TANC1: variants seen among roughly 807,000 people sequenced by gnomAD.
The protein encoded by TANC1 is protein TANC1.
TANC1 carries 77 observed loss-of-function variants against 149.7 expected under a neutral mutation model. The observed-to-expected ratio is 0.51, with a 90% confidence interval of 0.43 to 0.62. TANC1 has a LOEUF of 0.62. Among genes scored for constraint, TANC1 ranks in the 20% least tolerant of loss-of-function variants. TANC1 has a pLI of 0.00. For synonymous variants in TANC1, 854 were observed against 925.0 expected (o/e 0.92, Z 1.39); for missense variants, 1,985 against 2,321.8 (o/e 0.85, Z 2.98).
chr2:159,118,722 C>T (rs983897869), intron 4 of TANC1, among the ~76,000 whole-genome samples: 12 of 152,190 alleles, frequency 7.9e-5, no homozygotes, highest in Non-Finnish European at 1.2e-4. Context: ...GGTGGAGAAA[C>T]GTCTCTAGCA....
chr2:159,197,258 C>G (rs1433423538), intron 18 of TANC1, among the ~76,000 whole-genome samples: 2 of 152,166 alleles, frequency 1.3e-5, no homozygotes, highest in Non-Finnish European at 2.9e-5. Context: ...TTTACAGCTC[C>G]TCCACTGAAT....
At chr2:159,034,794 T>G (rs986201284) in intron 2 of TANC1, among the ~76,000 whole-genome samples, 5 of 152,216 alleles carry the variant, frequency 3.3e-5, no homozygotes, top group African/African-American at 9.6e-5. Flanking sequence ...TTCTTTTATT[T>G]GCTTTAGGAT....
intron 2 of TANC1, among the ~76,000 whole-genome samples, chr2:159,061,344 T>A (rs1041723733): frequency 6.6e-6 from 1 of 152,150 alleles, no homozygotes; most frequent in African/African-American, 2.4e-5. Context: ...CCCTCTGACC[T>A]CCCCTTGCCT....
chr2:159,116,946 C>A (rs1376917383), intron 4 of TANC1, among the ~76,000 whole-genome samples: 1 of 152,174 alleles, frequency 6.6e-6, no homozygotes, highest in Non-Finnish European at 1.5e-5. Context: ...CAGTCTAATT[C>A]CAAAGCCTGG....
In TANC1 at chr2:159,062,649, A is replaced by G. The variant is rs555904769; in HGVS notation, c.-15-3247A>G. Among the ~76,000 whole-genome samples the G allele has an allele frequency of 1.2e-4, 19 of 152,216 alleles. 1 individual carries two copies. Among genetic ancestry groups the G allele is most frequent in the South Asian group, 1.0e-3 (5 of 4,824 alleles). On this transcript the variant is annotated intron_variant, in intron 2 of 26. Transcript: ENST00000263635. ...ATTCTCCATGTCTTAAATGGATGAG[A>G]CTGGGCAAAGTGACTCCCTTTAAGA...
intron 2 of TANC1, among the ~76,000 whole-genome samples, chr2:159,046,044 C>T (rs183828415): frequency 6.6e-6 from 1 of 152,082 alleles, no homozygotes; most frequent in East Asian, 1.9e-4. Context: ...ATTGAAATAG[C>T]AATTTAAGTG....
At chr2:159,065,815 G>A (rs2042606044) in intron 2 of TANC1, 81 bp from the exon 3 acceptor site, 3 of 1,147,856 alleles carry the variant, frequency 2.6e-6, no homozygotes, top group Non-Finnish European at 3.9e-6. Flanking sequence ...TTGAACACAA[G>A]TTACCTCTTT....
chr2:159,223,413 C>T (rs745960827), intron 22 of TANC1, among the ~76,000 whole-genome samples: 4 of 152,122 alleles, frequency 2.6e-5, no homozygotes, highest in Non-Finnish European at 5.9e-5. Context: ...GTCCTTTGCC[C>T]ATTCTAAAGA....
intron 1 of TANC1, among the ~76,000 whole-genome samples, chr2:158,975,833 CTT>C (rs34605981): frequency 0.44 from 61,374 of 139,896 alleles, 13,601 homozygotes; most frequent in South Asian, 0.55. Flanking sequence ...TCTTTCTTAT[CTT>C]TTTTTTTTTT....
At chr2:159,039,702 T>TC (rs2040478326) in intron 2 of TANC1, among the ~76,000 whole-genome samples, 3 of 152,222 alleles carry the variant, frequency 2.0e-5, no homozygotes, top group Non-Finnish European at 4.4e-5. Flanking sequence ...TTGATTGCAC[T>TC]ATGGTCTGAG....
At chr2:159,194,214 TG>T in intron 16 of TANC1, 42 bp from the exon 17 acceptor site, 1 of 1,508,368 alleles carries the variant, frequency 6.6e-7, no homozygotes, top group Non-Finnish European at 9.2e-7. Flanking sequence ...AATGTTTAGA[TG>T]ACATACATGT....
At chr2:159,036,268 G>A (rs941349397) in intron 2 of TANC1, among the ~76,000 whole-genome samples, 4 of 152,152 alleles carry the variant, frequency 2.6e-5, no homozygotes, top group Non-Finnish European at 5.9e-5. Flanking sequence ...TGCCAGTGAG[G>A]TCATCAACCT....
intron 3 of TANC1, among the ~76,000 whole-genome samples, chr2:159,082,406 C>G (rs923522433): frequency 6.6e-6 from 1 of 150,686 alleles, no homozygotes; most frequent in Non-Finnish European, 1.5e-5. Context: ...AGAACAGTGC[C>G]TGAACCACAG....
chr2:159,144,051 A>G (rs1301836099), intron 5 of TANC1, among the ~76,000 whole-genome samples: 1 of 151,762 alleles, frequency 6.6e-6, no homozygotes, highest in Non-Finnish European at 1.5e-5. Context: ...TCTGAGACCA[A>G]AAAGCTTAAG....
chr2:159,043,841 T>C (rs1198974830), intron 2 of TANC1, among the ~76,000 whole-genome samples: 5 of 152,202 alleles, frequency 3.3e-5, no homozygotes, highest in African/African-American at 1.2e-4. Flanking sequence ...TCTTAAAGTT[T>C]AATGACAAGG....
intron 2 of TANC1, among the ~76,000 whole-genome samples, chr2:159,024,172 C>A (rs991193489): frequency 1.3e-5 from 2 of 152,006 alleles, no homozygotes; most frequent in Admixed American, 6.5e-5. Flanking sequence ...TGTATATAGT[C>A]ATGTGCCACA....
chr2:159,081,516 T>A (rs745724944), intron 3 of TANC1, among the ~76,000 whole-genome samples: 5 of 152,016 alleles, frequency 3.3e-5, no homozygotes, highest in Non-Finnish European at 7.4e-5. Flanking sequence ...TCTGTGTGCA[T>A]GTCACCACCA....
intron 3 of TANC1, among the ~76,000 whole-genome samples, chr2:159,093,438 G>A (rs750739902): frequency 3.3e-5 from 5 of 152,086 alleles, no homozygotes; most frequent in Non-Finnish European, 5.9e-5. Flanking sequence ...TATTGTTCAC[G>A]TGGATGCCCC....
intron 1 of TANC1, among the ~76,000 whole-genome samples, chr2:158,970,005 G>A (rs1348110963): frequency 1.3e-5 from 2 of 152,226 alleles, no homozygotes; most frequent in Non-Finnish European, 2.9e-5. Flanking sequence ...GAGTCTTAAC[G>A]TGGGTTGGAC....
Sources: gnomAD v4.1 joint callset for allele counts (sites outside exome capture counted in the v4.1 genomes callset) on GRCh38, gnomAD v4.1.1 for gene constraint, MANE v1.5 for transcripts, NCBI Gene and HGNC (gene_info 2026-07-23, HGNC 2026-07-21) for gene names.